Variants in ZNF808 observed in about 807,000 individuals in gnomAD.
ZNF808 encodes zinc finger protein 808.
A neutral mutation model predicts 8.7 loss-of-function variants in ZNF808; 5 were observed. The observed-to-expected ratio is 0.58, with a 90% confidence interval of 0.30 to 1.21. The LOEUF (loss-of-function observed/expected upper bound fraction) is 1.21, where lower values mean the gene tolerates loss of function less well. Ranked by LOEUF, ZNF808 falls within the 50% of genes most tolerant of loss-of-function variation. The probability of loss-of-function intolerance (pLI) is 0.07; values close to 1 mark genes in which losing one functional copy is unlikely to be tolerated. For missense variants in ZNF808, 1,103 were observed against 1,098.4 expected (o/e 1.00, Z -0.06); for synonymous variants, 380 against 366.0 (o/e 1.04, Z -0.44).
chr19:52,538,618 A>G (rs2059636866), intron 2 of ZNF808, among the ~76,000 whole-genome samples: 1 of 134,750 alleles, frequency 7.4e-6, no homozygotes, highest in Non-Finnish European at 1.6e-5. Flanking sequence ...ATAAGAGCGA[A>G]ACTCTGTCTC....
At chr19:52,558,152 C>G (rs1283166506), downstream of ZNF808, among the ~76,000 whole-genome samples, 1 of 143,636 alleles carries the variant, frequency 7.0e-6, no homozygotes, top group Non-Finnish European at 1.5e-5. Context: ...GTGGCGCAAT[C>G]TCGGCTCACT....
At chr19:52,529,850 A>G (rs1222079652) in intron 1 of ZNF808, among the ~76,000 whole-genome samples, 4 of 151,580 alleles carry the variant, frequency 2.6e-5, no homozygotes, top group Non-Finnish European at 5.9e-5. Context: ...CCTTCTGAGT[A>G]GCTGGGACCA....
chr19:52,558,961 C>T (rs939039682), downstream of ZNF808, among the ~76,000 whole-genome samples: 1 of 152,196 alleles, frequency 6.6e-6, no homozygotes, highest in East Asian at 1.9e-4. Flanking sequence ...ACTCCTTACT[C>T]TCAAGTACCC....
At position 52,547,648 on chromosome 19, in the gene ZNF808, A is replaced by G. The variant is rs766074875; in HGVS notation, c.190+10A>G. 5.0e-6 allele frequency: 8 copies of G among 1,612,992 alleles called. No individual in the cohort carries two copies. In the East Asian group the frequency reaches 1.1e-4, roughly 22 times the overall value. On this transcript the variant is annotated intron_variant, in intron 4 of 4. Transcript: ENST00000359798. ...AACCTGGAGGCTGTGGGTGAGGAAA[A>G]TGTCCCTGCAGACATGAGGAGTCTG...
At chr19:52,561,152 T>C (rs2059854979), downstream of ZNF808, among the ~76,000 whole-genome samples, 1 of 146,086 alleles carries the variant, frequency 6.8e-6, no homozygotes, top group South Asian at 2.2e-4. Context: ...GATGTACTTC[T>C]ATCTGTTCTC....
At chr19:52,546,047 C>T (rs2059716689) in intron 3 of ZNF808, among the ~76,000 whole-genome samples, 1 of 152,196 alleles carries the variant, frequency 6.6e-6, no homozygotes, top group African/African-American at 2.4e-5. Context: ...ATGTGTGATG[C>T]ACTTGTGTCC....
chr19:52,564,692 G>T (rs115529770), downstream of ZNF808, among the ~76,000 whole-genome samples: 14 of 152,256 alleles, frequency 9.2e-5, no homozygotes, highest in African/African-American at 3.4e-4. Flanking sequence ...GATGGCTCAT[G>T]CCTGTAATCC....
At chr19:52,530,381 C>T (rs144312527) in intron 1 of ZNF808, among the ~76,000 whole-genome samples, 1,862 of 152,156 alleles carry the variant, frequency 0.012, 24 homozygotes, top group Non-Finnish European at 0.019. Context: ...TTAAAAGGGA[C>T]ATCAAGGCAT....
chr19:52,558,087 C>CTTT (rs11410246), downstream of ZNF808, among the ~76,000 whole-genome samples: 23 of 44,314 alleles, frequency 5.2e-4, no homozygotes, highest in African/African-American at 1.4e-3. Flanking sequence ...TTCTTTCTTT[C>CTTT]TTTTTTTTTT....
At position 52,554,270 on chromosome 19, in the gene ZNF808, G is replaced by T; in HGVS notation, c.1354G>T (p.Glu452Ter). 1 of 1,614,176 alleles carries T rather than the reference G, an allele frequency of 6.2e-7. No individual in the cohort carries two copies. Among genetic ancestry groups the T allele is most frequent in the Non-Finnish European group, 8.5e-7 (1 of 1,180,026 alleles). Reference protein sequence around the residue: ...LERHKRIHTGEKPYKCKVCDT... With the variant: ...LERHKRIHTG ...GAGACATAAGAGAATTCATACTGGA[G>T]AGAAACCATACAAATGTAAGGTTTG... The change falls in exon 5 of 5, where the codon GAG becomes TAG. Residue 452 changes from glutamate to a stop codon, truncating the protein, a stop_gained. Transcript: ENST00000359798. LOFTEE classifies it low-confidence loss of function (END_TRUNC).
intron 4 of ZNF808, among the ~76,000 whole-genome samples, chr19:52,549,095 G>A (rs527705743): frequency 2.1e-4 from 32 of 152,054 alleles, no homozygotes; most frequent in South Asian, 1.0e-3. Context: ...CATACCTCAC[G>A]CTTCTGAGCT....
chr19:52,554,299 T>TA lies in ZNF808; in HGVS notation c.1384dup (p.Thr462AsnfsTer6). 2 of 1,613,810 alleles carry TA rather than the reference T, an allele frequency of 1.2e-6. No homozygotes were observed. The highest frequency in any genetic ancestry group is 1.7e-6 in the Non-Finnish European group (2 of 1,179,922). On this transcript the variant is annotated frameshift_variant, in exon 5 of 5. Coordinates refer to ENST00000359798, the MANE Select transcript of ZNF808 (RefSeq NM_001039886.4). LOFTEE classifies it low-confidence loss of function (END_TRUNC). ...AACCATACAAATGTAAGGTTTGTGATACAGCTTTCACGTGTAATTCACAGC... is the reference window on the plus strand; with the variant it reads ...AACCATACAAATGTAAGGTTTGTGATAACAGCTTTCACGTGTAATTCACAGC...
In ZNF808 at chr19:52,550,356, G is replaced by C. The variant is rs763557095; in HGVS notation, c.190+2718G>C. On this transcript the variant is annotated intron_variant, in intron 4 of 4. Coordinates refer to ENST00000359798, the MANE Select transcript of ZNF808 (RefSeq NM_001039886.4). ...AGCGATTCTCCTTCCTCAGCCTTCT[G>C]AGTAGCTGGGATTAGAGGCATGCAC... Among the ~76,000 whole-genome samples, 67 of 151,694 alleles carry C rather than the reference G, an allele frequency of 4.4e-4. 1 individual carries two copies. Among genetic ancestry groups the C allele is most frequent in the Non-Finnish European group, 1.2e-4 (8 of 67,970 alleles).
At chr19:52,568,304 G>A (rs1028119142), downstream of ZNF808, among the ~76,000 whole-genome samples, 42 of 152,204 alleles carry the variant, frequency 2.8e-4, no homozygotes, top group African/African-American at 8.9e-4. Flanking sequence ...AACCCAGGAC[G>A]TGGAGGTCGT....
chr19:52,559,985 T>C (rs1025231490), downstream of ZNF808, among the ~76,000 whole-genome samples: 9 of 152,236 alleles, frequency 5.9e-5, no homozygotes, highest in Admixed American at 5.9e-4. Context: ...ATATTTTTTA[T>C]AGTTGTTATG....
At chr19:52,567,486 TTTATTA>T (rs199989177), downstream of ZNF808, among the ~76,000 whole-genome samples, 902 of 37,148 alleles carry the variant, frequency 0.024, 14 homozygotes, top group Middle Eastern at 0.044. Flanking sequence ...AGCTGTATTT[TTTATTA>T]TTATTATTAT....
At chr19:52,549,738 A>G (rs2059757406) in intron 4 of ZNF808, among the ~76,000 whole-genome samples, 1 of 152,056 alleles carries the variant, frequency 6.6e-6, no homozygotes. Context: ...CACATGATAC[A>G]TTGATCTGGA....
rs144051857 is a variant in ZNF808, at chr19:52,539,963, G to A, written c.-19-3303G>A. ...GGGCTCAAGTGATTTTCCCACCTCA[G>A]CCTCCGGAGTAGCTGGGGCCACAGA... On this transcript the variant is annotated intron_variant, in intron 2 of 4. Transcript: ENST00000359798. Among the ~76,000 whole-genome samples, 291 of 152,148 alleles carry A rather than the reference G, an allele frequency of 1.9e-3. 1 individual carries two copies. The highest frequency in any genetic ancestry group is 6.7e-3 in the African/African-American group (279 of 41,508).
chr19:52,534,139 G>A (rs1295733058), intron 2 of ZNF808, among the ~76,000 whole-genome samples: 2 of 151,736 alleles, frequency 1.3e-5, no homozygotes, highest in Admixed American at 6.6e-5. Flanking sequence ...CTTGGCTAGC[G>A]TGGTGAAACC....
Sources: allele counts gnomAD v4.1 joint callset (sites outside exome capture counted in the v4.1 genomes callset), GRCh38; gene constraint gnomAD v4.1.1; transcripts MANE v1.5; gene names NCBI Gene and HGNC (gene_info 2026-07-23, HGNC 2026-07-21).